The following RAI1 variants were observed in gnomAD, a reference collection of about 807,000 sequenced individuals.
The protein encoded by RAI1 is retinoic acid-induced protein 1.
In RAI1, 9 loss-of-function variants were observed where a neutral mutation model predicts 123.8. The ratio of observed to expected loss-of-function variants is 0.07; its 90% CI spans 0.04 to 0.13. The LOEUF (loss-of-function observed/expected upper bound fraction) is 0.13, where lower values mean the gene tolerates loss of function less well. Ranked by LOEUF, RAI1 falls within the 10% of genes least tolerant of loss-of-function variation. RAI1 has a pLI of 1.00. For missense variants in RAI1, 2,256 were observed against 2,545.8 expected (o/e 0.89, Z 2.45); for synonymous variants, 1,231 against 1,127.3 (o/e 1.09, Z -1.84).
Position 17,681,810 on chromosome 17 carries a change from G to A in RAI1, c.-149+17G>A, listed in dbSNP as rs1365364644. ...GGCGCCGAGGTGAGCAGCGAGCGCC[G>A]GGGCGCGGGGGGCGCAGTGTATCCT... On this transcript the variant is annotated intron_variant, in intron 1 of 5. Coordinates refer to ENST00000353383, the MANE Select transcript of RAI1 (RefSeq NM_030665.4). 6.9e-6 allele frequency: 2 copies of A among 287,968 alleles called. No individual in the cohort carries two copies. Among genetic ancestry groups the A allele is most frequent in the Non-Finnish European group, 1.3e-5 (2 of 154,502 alleles). The allele number at this position is 287,968 out of a possible 1,614,324, so 17.8% of individuals were successfully genotyped here.
At chr17:17,715,359 T>C (rs557101101) in intron 1 of RAI1, among the ~76,000 whole-genome samples, 11 of 152,334 alleles carry the variant, frequency 7.2e-5, no homozygotes, top group African/African-American at 2.6e-4. Flanking sequence ...GCCTCTCTCT[T>C]CTGCTTGCAG....
intron 2 of RAI1, among the ~76,000 whole-genome samples, chr17:17,769,153 TG>T (rs1173463033): frequency 6.6e-6 from 1 of 152,252 alleles, no homozygotes; most frequent in Non-Finnish European, 1.5e-5. Context: ...TCTTGGCTCA[TG>T]TCTTCACGAA....
chr17:17,802,913 G>A (rs1348094176), intron 3 of RAI1, among the ~76,000 whole-genome samples: 3 of 151,754 alleles, frequency 2.0e-5, no homozygotes, highest in African/African-American at 4.8e-5. Context: ...GTGAAACTCC[G>A]TCTCTACTAA....
rs1246490437 is a variant in RAI1, at chr17:17,797,388, G to A, written c.4440G>A (p.Arg1480=). 1.2e-6 allele frequency: 2 copies of A among 1,612,970 alleles called. No individual in the cohort carries two copies. The highest frequency in any genetic ancestry group is 1.1e-5 in the South Asian group (1 of 91,072). ...CTCTGCTCCTGACTCCCCGAGACAG[G>A]GCCAGTGGCACACAAGGGGCCAGTG... ...GPALLLTPRD[R]ASGTQGASED... is the part of the protein sequence containing the mutation. The change falls in exon 3 of 6, where the codon AGG becomes AGA. Residue 1480 remains arginine, a synonymous_variant. Transcript: ENST00000353383.
At chr17:17,803,684 C>T in intron 3 of RAI1, 72 bp from the exon 4 acceptor site, 4 of 1,420,426 alleles carry the variant, frequency 2.8e-6, no homozygotes, top group Non-Finnish European at 4.0e-6. Context: ...CTGCACCTGG[C>T]CTACCAGCCT....
chr17:17,729,450 C>CT (rs1283541042), intron 2 of RAI1, among the ~76,000 whole-genome samples: 2 of 152,252 alleles, frequency 1.3e-5, no homozygotes, highest in Non-Finnish European at 2.9e-5. Context: ...TGTGCCACCT[C>CT]TGTGTTCCCT....
chr17:17,700,543 C>T (rs984219537), intron 1 of RAI1, among the ~76,000 whole-genome samples: 1 of 152,118 alleles, frequency 6.6e-6, no homozygotes, highest in Non-Finnish European at 1.5e-5. Context: ...TGCACCTGCC[C>T]GGGCCTGAGG....
intron 2 of RAI1, among the ~76,000 whole-genome samples, chr17:17,746,705 G>C (rs1385147463): frequency 1.4e-5 from 2 of 140,228 alleles, no homozygotes; most frequent in East Asian, 4.1e-4. Flanking sequence ...GTGCTATCTC[G>C]GCTCACCACA....
In RAI1 at chr17:17,810,353, A is replaced by C; in HGVS notation, c.*372A>C. 2.5e-5 allele frequency: 8 copies of C among 322,066 alleles called. No individual in the cohort carries two copies. The highest frequency in any genetic ancestry group is 6.4e-5 in the East Asian group (1 of 15,708). 20.0% of individuals were successfully genotyped at this position (322,066 alleles called of 1,614,324 possible). A position where few individuals can be genotyped will look rare whatever the true frequency, so the allele number is the denominator to read the frequency against. ...GGGGACACTTTCCCTCTGGAATCTCAAGACGACGTGGCACACATTCCACGT... is the reference window on the plus strand; with the variant it reads ...GGGGACACTTTCCCTCTGGAATCTCCAGACGACGTGGCACACATTCCACGT... On this transcript the variant is annotated 3_prime_UTR_variant, in exon 6 of 6. Transcript: ENST00000353383. This position sits in a 1 kb window ranked among gnomAD's most constrained non-coding sequence, Gnocchi z 4.6.
chr17:17,803,673 A>T, intron 3 of RAI1, 83 bp from the exon 4 acceptor site: 1 of 1,314,404 alleles, frequency 7.6e-7, no homozygotes, highest in Non-Finnish European at 1.1e-6. Flanking sequence ...GGCATGAGCC[A>T]CTGCACCTGG....
intron 2 of RAI1, among the ~76,000 whole-genome samples, chr17:17,736,427 C>T (rs1049537851): frequency 6.6e-6 from 1 of 152,184 alleles, no homozygotes; most frequent in Admixed American, 6.5e-5. Flanking sequence ...AGCAGATGGC[C>T]GAGAGGTCCC....
At chr17:17,783,383 G>A (rs1053015903) in intron 2 of RAI1, among the ~76,000 whole-genome samples, 1 of 152,124 alleles carries the variant, frequency 6.6e-6, no homozygotes, top group Admixed American at 6.5e-5. Flanking sequence ...TGCGCTTTCC[G>A]GATTGGCGCA....
At chr17:17,779,044 C>G (rs1261002417) in intron 2 of RAI1, 1 of 378,292 alleles carries the variant, frequency 2.6e-6, no homozygotes, top group Non-Finnish European at 5.3e-6. Flanking sequence ...CCCAGTTGCC[C>G]TCGCCTGGTT....
At chr17:17,792,815 G>A (rs2032067776) in intron 2 of RAI1, 118 bp from the exon 3 acceptor site, 6 of 816,324 alleles carry the variant, frequency 7.4e-6, no homozygotes, top group Non-Finnish European at 1.2e-5. Context: ...GTGGGTGGGA[G>A]GGTGCTTTCT....
At chr17:17,733,930 A>G (rs1025347283) in intron 2 of RAI1, among the ~76,000 whole-genome samples, 53 of 152,100 alleles carry the variant, frequency 3.5e-4, no homozygotes, top group Non-Finnish European at 6.2e-4. Context: ...TCACCACCCA[A>G]TGCAAAGGTC....
At chr17:17,738,137 G>C (rs1916497715) in intron 2 of RAI1, among the ~76,000 whole-genome samples, 1 of 152,008 alleles carries the variant, frequency 6.6e-6, no homozygotes, top group South Asian at 2.1e-4. Flanking sequence ...GCCTGAGTAT[G>C]GCTCAGGCCA....
intron 4 of RAI1, among the ~76,000 whole-genome samples, chr17:17,804,354 T>A (rs1305436126): frequency 6.6e-6 from 1 of 151,954 alleles, no homozygotes; most frequent in Non-Finnish European, 1.5e-5. Flanking sequence ...GGTATGGAGG[T>A]AGGCCCAGGC....
At chr17:17,700,380 C>T (rs1046689825) in intron 1 of RAI1, among the ~76,000 whole-genome samples, 90 of 151,830 alleles carry the variant, frequency 5.9e-4, no homozygotes, top group Non-Finnish European at 5.7e-4. Context: ...GCTGGAGGCG[C>T]GGCTCCCGGC....
intron 1 of RAI1, among the ~76,000 whole-genome samples, chr17:17,707,578 G>A (rs2142899009): frequency 6.6e-6 from 1 of 152,204 alleles, no homozygotes; most frequent in Middle Eastern, 3.4e-3. Context: ...CTGAGAGAGG[G>A]GAGAGGGTTC....
Sources: gnomAD v4.1 joint callset for allele counts (sites outside exome capture counted in the v4.1 genomes callset) on GRCh38, gnomAD v4.1.1 for gene constraint, Gnocchi (gnomAD v3.1) non-coding constraint, MANE v1.5 for transcripts, NCBI Gene and HGNC (gene_info 2026-07-23, HGNC 2026-07-21) for gene names.